The following ATG13 variants were observed in gnomAD, a reference collection of about 807,000 sequenced individuals.
ATG13 encodes autophagy-related protein 13.
ATG13 carries 23 observed loss-of-function variants against 65.5 expected under a neutral mutation model. The ratio of observed to expected loss-of-function variants is 0.35; its 90% confidence interval spans 0.25 to 0.50. ATG13 has a LOEUF of 0.50. Among genes scored for constraint, ATG13 ranks in the 20% least tolerant of loss-of-function variants. ATG13 has a pLI of 0.98. For missense variants in ATG13, 566 were observed against 677.0 expected, an observed-to-expected ratio of 0.84 and a Z score of 1.82; for synonymous variants, 252 against 245.2, an observed-to-expected ratio of 1.03 and a Z score of -0.26.
At position 46,657,325 on chromosome 11, in the gene ATG13, A is replaced by G. The variant is rs1020032192; in HGVS notation, c.596+134A>G. ...CTTCAGAAGAATAAAGAGAGAGTGCAGTTGCCAGATTGGAGAATTTGAGTG... is the reference window on the plus strand; with the variant it reads ...CTTCAGAAGAATAAAGAGAGAGTGCGGTTGCCAGATTGGAGAATTTGAGTG... On this transcript the variant is annotated intron_variant, in intron 9 of 18. Transcript: ENST00000683050. 7.5e-5 allele frequency: 73 copies of G among 967,740 alleles called. 1 individual carries two copies. The South Asian group carries it at 1.1e-3, about 14-fold the overall frequency. The allele number at this position is 967,740 out of a possible 1,614,324, so 59.9% of individuals were successfully genotyped here. A position where few individuals can be genotyped will look rare whatever the true frequency, so the allele number is the denominator to read the frequency against.
intron 1 of ATG13, among the ~76,000 whole-genome samples, chr11:46,618,581 C>T (rs1443873144): frequency 1.3e-5 from 2 of 152,158 alleles, no homozygotes; most frequent in Non-Finnish European, 2.9e-5. Flanking sequence ...AAACTCATCT[C>T]CTAAGGTGAT....
chr11:46,656,377 A>G (rs923060725), intron 8 of ATG13, 104 bp downstream of exon 8: 1 of 1,217,940 alleles, frequency 8.2e-7, no homozygotes, highest in African/African-American at 1.5e-5. Flanking sequence ...TCATCTTAAT[A>G]TGCATAATAC....
At chr11:46,621,955 C>A (rs1462874940) in intron 1 of ATG13, among the ~76,000 whole-genome samples, 1 of 150,912 alleles carries the variant, frequency 6.6e-6, no homozygotes, top group African/African-American at 2.4e-5. Flanking sequence ...AGCTGTGTGT[C>A]CGAACATTTT....
intron 11 of ATG13, chr11:46,660,102 G>A (rs544915809): frequency 9.2e-5 from 14 of 152,348 alleles, no homozygotes; most frequent in African/African-American, 3.1e-4. Context: ...CGCCAAGGCT[G>A]CTTTGGCTAA....
intron 7 of ATG13, among the ~76,000 whole-genome samples, chr11:46,652,992 C>T (rs985934179): frequency 1.3e-5 from 2 of 151,922 alleles, no homozygotes; most frequent in Admixed American, 1.3e-4. Flanking sequence ...TCTATGGCTA[C>T]TTTTGCAATA....
In ATG13 at chr11:46,622,123, ATATATT is replaced by A. The variant is rs1286447277; in HGVS notation, c.-70+4237_-70+4242del. ...TATATATATATATATATATATATATATATATTTATTTTAGAGATGGTATTTGCCCTG... is the reference window on the plus strand; with the variant it reads ...TATATATATATATATATATATATATATATTTTAGAGATGGTATTTGCCCTG... On this transcript the variant is annotated intron_variant, in intron 1 of 18. Transcript: ENST00000683050. Among the ~76,000 whole-genome samples the A allele has an allele frequency of 1.4e-3, 112 of 77,884 alleles. 7 individuals carry two copies. The East Asian group carries it at 0.036, about 25-fold the overall frequency. The allele number at this position is 77,884 out of a possible 152,430, so 51.1% of individuals were successfully genotyped here.
chr11:46,659,671 A>C (rs751098680), intron 11 of ATG13, 186 bp downstream of exon 11: 59 of 526,632 alleles, frequency 1.1e-4, no homozygotes, highest in Non-Finnish European at 1.9e-4. Context: ...GTAATTATTC[A>C]TAACCTTCAA....
At chr11:46,633,829 G>A (rs2052899422) in intron 2 of ATG13, among the ~76,000 whole-genome samples, 1 of 152,104 alleles carries the variant, frequency 6.6e-6, no homozygotes, top group Non-Finnish European at 1.5e-5. Context: ...ATATTTATAT[G>A]CTATATAAAC....
At chr11:46,648,170 A>T (rs1042012422) in intron 5 of ATG13, among the ~76,000 whole-genome samples, 1 of 149,026 alleles carries the variant, frequency 6.7e-6, no homozygotes, top group African/African-American at 2.5e-5. Flanking sequence ...ATCTTGGCTC[A>T]CTGCAACCTT....
At chr11:46,657,473 G>A in intron 9 of ATG13, 51 bp from the exon 10 acceptor site, 3 of 1,556,084 alleles carry the variant, frequency 1.9e-6, no homozygotes, top group Non-Finnish European at 2.7e-6. Flanking sequence ...GACTTTGTGG[G>A]GGCTGGAAAG....
rs77264194 is a variant in ATG13 at position 46,627,358 on chromosome 11, G to A, written c.-69-2687G>A. Reference sequence around the variant, plus strand: ...TGCACCACTGCACTCCATCCAGGGCGACAGAGCAAGACTCTGTCTCAAAAA... The same window carrying A: ...TGCACCACTGCACTCCATCCAGGGCAACAGAGCAAGACTCTGTCTCAAAAA... On this transcript the variant is annotated intron_variant, in intron 1 of 18. Transcript: ENST00000683050. Among the ~76,000 whole-genome samples the A allele has an allele frequency of 8.0e-4, 121 of 152,048 alleles. 1 individual carries two copies. Among genetic ancestry groups the A allele is most frequent in the Admixed American group, 5.1e-3 (78 of 15,282 alleles).
intron 13 of ATG13, 55 bp downstream of exon 13, chr11:46,665,014 G>A: frequency 6.7e-7 from 1 of 1,499,240 alleles, no homozygotes; most frequent in Non-Finnish European, 9.2e-7. Context: ...CCCCTGCCCG[G>A]AGGCAATTGA....
At chr11:46,624,537 G>A (rs1386586614) in intron 1 of ATG13, among the ~76,000 whole-genome samples, 2 of 150,618 alleles carry the variant, frequency 1.3e-5, no homozygotes, top group African/African-American at 4.9e-5. Context: ...GAAGAGTGAC[G>A]AGCCCATTAT....
At chr11:46,657,035 G>T in intron 8 of ATG13, 60 bp from the exon 9 acceptor site, 1 of 1,385,722 alleles carries the variant, frequency 7.2e-7, no homozygotes, top group Non-Finnish European at 1.0e-6. Context: ...GGGAAAGACG[G>T]TCTGGGGGCA....
At chr11:46,668,275 G>C (rs958043901) in intron 15 of ATG13, among the ~76,000 whole-genome samples, 1 of 152,208 alleles carries the variant, frequency 6.6e-6, no homozygotes, top group East Asian at 1.9e-4. Context: ...TGAATTCCCA[G>C]GGTCCTCAGG....
Position 46,665,840 on chromosome 11 carries a change from T to G in ATG13, c.1136+321T>G, listed in dbSNP as rs1592221019. 6.3e-5 allele frequency among the ~76,000 whole-genome samples: 9 copies of G among 142,406 alleles called. No individual in the cohort carries two copies. In the South Asian group the frequency reaches 2.1e-3, roughly 34 times the overall value. The allele number at this position is 142,406 out of a possible 152,430, so 93.4% of individuals were successfully genotyped here. On this transcript the variant is annotated intron_variant, in intron 14 of 18. Transcript: ENST00000683050. ...TTTTTTTGGAGACAGAGTCTCACTC[T>G]GTTGCCTAGGCTGAAGTGCAGTGGT...
At chr11:46,622,702 C>A (rs2048142428) in intron 1 of ATG13, among the ~76,000 whole-genome samples, 1 of 152,182 alleles carries the variant, frequency 6.6e-6, no homozygotes, top group African/African-American at 2.4e-5. Context: ...CACGTATGTT[C>A]TGCTTTTATA....
At chr11:46,663,667 T>G (rs906009038) in intron 11 of ATG13, among the ~76,000 whole-genome samples, 1 of 152,198 alleles carries the variant, frequency 6.6e-6, no homozygotes, top group Non-Finnish European at 1.5e-5. Context: ...CTTCCTGTCT[T>G]TTTTGAGTAG....
Position 46,617,780 on chromosome 11 carries a change from A to G in ATG13, c.-180A>G, listed in dbSNP as rs1021600369. On this transcript the variant is annotated 5_prime_UTR_variant, in exon 1 of 19. Coordinates refer to ENST00000683050, the MANE Select transcript of ATG13 (RefSeq NM_001346311.2). Reference sequence around the variant, plus strand: ...GTGTCTATCGGCGACGTGTACGGTCACTGCAGCTCCGGAGCGCGGAACCCT... The same window carrying G: ...GTGTCTATCGGCGACGTGTACGGTCGCTGCAGCTCCGGAGCGCGGAACCCT... 4.3e-5 allele frequency: 17 copies of G among 399,120 alleles called. 1 individual carries two copies. The highest frequency in any genetic ancestry group is 3.5e-4 in the Admixed American group (8 of 22,734). 24.7% of individuals were successfully genotyped at this position (399,120 alleles called of 1,614,324 possible).
Sources: gnomAD v4.1 joint callset for allele counts (sites outside exome capture counted in the v4.1 genomes callset) on GRCh38, gnomAD v4.1.1 for gene constraint, MANE v1.5 for transcripts, NCBI Gene and HGNC (gene_info 2026-07-23, HGNC 2026-07-21) for gene names.